The following TAFA2 variants were observed in gnomAD, a reference collection of about 807,000 sequenced individuals.
TAFA2 encodes the protein TAFA chemokine like family member 2.
Under a neutral mutation model 18.8 loss-of-function variants are expected in TAFA2, and 7 were observed. The observed-to-expected ratio is 0.37, with a 90% CI of 0.21 to 0.70. The LOEUF is 0.70. Among genes scored for constraint, TAFA2 ranks in the 30% least tolerant of loss-of-function variants. The probability of loss-of-function intolerance (pLI) is 0.53; values close to 1 mark genes in which losing one functional copy is unlikely to be tolerated. For synonymous variants in TAFA2, 60 were observed against 54.2 expected (o/e 1.11, Z -0.47); for missense variants, 122 against 158.1 (o/e 0.77, Z 1.23).
intron 1 of TAFA2, among the ~76,000 whole-genome samples, chr12:62,010,645 C>T (rs1218887531): frequency 8.6e-5 from 13 of 151,744 alleles, no homozygotes; most frequent in Admixed American, 7.2e-4. Flanking sequence ...CGCCTCTGCC[C>T]GGCCGCCCTT....
intron 1 of TAFA2, among the ~76,000 whole-genome samples, chr12:62,101,722 T>G (rs17657200): frequency 0.049 from 7,497 of 152,286 alleles, 258 homozygotes; most frequent in South Asian, 0.13. Flanking sequence ...TTATCTCAAT[T>G]TTTACTGTTT....
At chr12:62,082,691 T>G (rs1868342284) in intron 1 of TAFA2, among the ~76,000 whole-genome samples, 1 of 152,208 alleles carries the variant, frequency 6.6e-6, no homozygotes, top group Non-Finnish European at 1.5e-5. Context: ...TCTTTTGATG[T>G]AGGATATGAA....
At chr12:61,979,373 C>A (rs1373422524) in intron 1 of TAFA2, among the ~76,000 whole-genome samples, 3 of 152,092 alleles carry the variant, frequency 2.0e-5, no homozygotes, top group African/African-American at 7.2e-5. Context: ...GTTTTAAAAT[C>A]AGGCCACAGA....
intron 1 of TAFA2, among the ~76,000 whole-genome samples, chr12:61,995,871 C>CAAAT (rs34640981): frequency 0.54 from 82,230 of 151,210 alleles, 22,405 homozygotes; most frequent in Admixed American, 0.56. Flanking sequence ...TATTCTGTAA[C>CAAAT]AAATAAATAA....
chr12:61,848,406 C>T (rs939686045), intron 2 of TAFA2, among the ~76,000 whole-genome samples: 2 of 151,986 alleles, frequency 1.3e-5, no homozygotes, highest in African/African-American at 4.8e-5. Flanking sequence ...TTAGGAATGA[C>T]CTTATTATAA....
At chr12:62,259,968 T>G, upstream of TAFA2, 1 of 179,712 alleles carries the variant, frequency 5.6e-6, no homozygotes, top group South Asian at 8.1e-5. Context: ...TTCTGCCATA[T>G]CTTAGCCGTC....
chr12:62,169,652 C>T (rs1168566578), intron 1 of TAFA2, among the ~76,000 whole-genome samples: 1 of 151,974 alleles, frequency 6.6e-6, no homozygotes, highest in African/African-American at 2.4e-5. Context: ...GAGATCGAGA[C>T]CATCCTGGCT....
At chr12:62,083,894 G>A (rs1392284649) in intron 1 of TAFA2, among the ~76,000 whole-genome samples, 1 of 151,910 alleles carries the variant, frequency 6.6e-6, no homozygotes, top group Admixed American at 6.6e-5. Context: ...AATCTAATTT[G>A]AATTCTTCCC....
At chr12:62,156,284 A>C (rs1482975602) in intron 1 of TAFA2, among the ~76,000 whole-genome samples, 2 of 152,178 alleles carry the variant, frequency 1.3e-5, no homozygotes, top group Non-Finnish European at 2.9e-5. Flanking sequence ...TAATCAAAAC[A>C]TCTAAAAACA....
chr12:61,941,682 A>G (rs544512832), intron 1 of TAFA2, among the ~76,000 whole-genome samples: 18 of 152,198 alleles, frequency 1.2e-4, no homozygotes, highest in Admixed American at 2.0e-4. Context: ...GAGTCAAAGA[A>G]AGGGGTGACA....
intron 4 of TAFA2, among the ~76,000 whole-genome samples, chr12:61,745,036 A>C (rs1054260752): frequency 6.6e-6 from 1 of 152,082 alleles, no homozygotes; most frequent in Non-Finnish European, 1.5e-5. Context: ...ACATCTCCAT[A>C]TCATTTGAGT....
intron 2 of TAFA2, among the ~76,000 whole-genome samples, chr12:61,777,233 T>A (rs190655479): frequency 1.3e-5 from 2 of 152,004 alleles, no homozygotes; most frequent in East Asian, 3.9e-4. Flanking sequence ...ATCAGACAGA[T>A]GCCAACTGTG....
At chr12:61,858,322 CA>C (rs1873974560) in intron 2 of TAFA2, among the ~76,000 whole-genome samples, 1 of 152,154 alleles carries the variant, frequency 6.6e-6, no homozygotes. Flanking sequence ...ACCACGATTG[CA>C]ATTTTCCTGA....
intron 1 of TAFA2, among the ~76,000 whole-genome samples, chr12:61,942,415 C>T (rs1309005334): frequency 9.9e-5 from 15 of 151,568 alleles, no homozygotes; most frequent in East Asian, 7.8e-4. Context: ...TCCAAAGGAA[C>T]GCAGTTCCTC....
chr12:61,716,510 C>A (rs537961276), intron 4 of TAFA2, among the ~76,000 whole-genome samples: 38 of 152,082 alleles, frequency 2.5e-4, no homozygotes, highest in African/African-American at 8.4e-4. Flanking sequence ...TGCTAGTCTA[C>A]AACATATTTG....
At chr12:61,758,197 G>A (rs1419035234) in intron 2 of TAFA2, among the ~76,000 whole-genome samples, 1 of 152,040 alleles carries the variant, frequency 6.6e-6, no homozygotes, top group Non-Finnish European at 1.5e-5. Flanking sequence ...AGAAGGAAAG[G>A]TAAGGTTGTT....
chr12:62,131,125 T>C (rs538889655), intron 1 of TAFA2, among the ~76,000 whole-genome samples: 1 of 152,008 alleles, frequency 6.6e-6, no homozygotes, highest in African/African-American at 2.4e-5. Flanking sequence ...GAATGGCACA[T>C]ATGAAGCAAT....
intron 1 of TAFA2, among the ~76,000 whole-genome samples, chr12:62,082,672 C>G (rs1868342043): frequency 6.6e-6 from 1 of 152,068 alleles, no homozygotes; most frequent in African/African-American, 2.4e-5. Context: ...AACATCTGAG[C>G]ACATAGAATC....
At chr12:61,757,387 A>G (rs1869321504) in intron 2 of TAFA2, among the ~76,000 whole-genome samples, 1 of 152,206 alleles carries the variant, frequency 6.6e-6, no homozygotes, top group South Asian at 2.1e-4. Context: ...AGGCCTAGGA[A>G]AGAGGAATTT....
Sources: gnomAD v4.1 joint callset for allele counts (sites outside exome capture counted in the v4.1 genomes callset) on GRCh38, gnomAD v4.1.1 for gene constraint, MANE v1.5 for transcripts, NCBI Gene and HGNC (gene_info 2026-07-23, HGNC 2026-07-21) for gene names.